EPHA8: variants seen among roughly 807,000 people sequenced by gnomAD.
EPHA8 encodes ephrin type-A receptor 8.
In EPHA8, 58 loss-of-function variants were observed where a neutral mutation model predicts 103.6. The ratio of observed to expected loss-of-function variants is 0.56; its 90% CI spans 0.45 to 0.70. The LOEUF (loss-of-function observed/expected upper bound fraction) is 0.70. Among genes scored for constraint, EPHA8 ranks in the 30% least tolerant of loss-of-function variants. EPHA8 has a pLI of 0.00. For missense variants in EPHA8, 1,304 were observed against 1,395.2 expected, an observed-to-expected ratio of 0.93 and a Z score of 1.04; for synonymous variants, 559 against 572.5, an observed-to-expected ratio of 0.98 and a Z score of 0.34.
At position 22,601,463 on chromosome 1, in the gene EPHA8, A is replaced by G. The variant is rs752849070; in HGVS notation, c.2893A>G (p.Met965Val). The G allele has an allele frequency of 6.8e-6, 11 of 1,609,546 alleles. No homozygotes were observed. The highest frequency in any genetic ancestry group is 2.2e-5 in the East Asian group (1 of 44,820). The part of the protein sequence containing the change: ...GYSSLGMVLR[M>V]NAQDVRALGI... ...CTCCTCTCTGGGCATGGTGCTACGCATGAACGCCCAGTGAGTGATGGGTGG... is the reference window on the plus strand; with the variant it reads ...CTCCTCTCTGGGCATGGTGCTACGCGTGAACGCCCAGTGAGTGATGGGTGG... Residue 965 changes from methionine (M) to valine (V), a missense_variant, in exon 16 of 17, where the codon ATG becomes GTG. Physicochemically the swap from Met to Val is conservative, Grantham distance 21. Transcript: ENST00000166244.
At chr1:22,577,914 CGTGAGTGTATGTGTGCGT>C (rs1557558630) in intron 3 of EPHA8, among the ~76,000 whole-genome samples, 1 of 20,016 alleles carries the variant, frequency 5.0e-5, no homozygotes, top group Non-Finnish European at 9.9e-5. Context: ...TGTATGTGTG[CGTGAGTGTATGTGTGCGT>C]GAGTGTATGT....
In EPHA8 at chr1:22,590,746, CTT is replaced by C. The variant is rs397841083; in HGVS notation, c.1315+1542_1315+1543del. Among the ~76,000 whole-genome samples, 3 of 149,646 alleles carry C rather than the reference CTT, an allele frequency of 2.0e-5. No homozygotes were observed. In the East Asian group the frequency reaches 6.1e-4, roughly 30 times the overall value. On this transcript the variant is annotated intron_variant, in intron 5 of 16. Transcript: ENST00000166244. ...TGGGCGGCTGTTTCAGGGCCCATGACTTTGAATTCCACCTTTGTGCTAACAAC... is the reference window on the plus strand; with the variant it reads ...TGGGCGGCTGTTTCAGGGCCCATGACTGAATTCCACCTTTGTGCTAACAAC...
At position 22,576,722 on chromosome 1, in the gene EPHA8, A is replaced by T; in HGVS notation, c.665A>T (p.Asp222Val). 6.2e-7 allele frequency: 1 copy of T among 1,613,460 alleles called. No homozygotes were observed. The highest frequency in any genetic ancestry group is 8.5e-7 in the Non-Finnish European group (1 of 1,179,940). ...AAFSEAVTGA[D>V]SSSLVEVRGQ... The stretch of plus-strand genomic sequence containing the variant: ...TTCTCGGAGGCAGTGACGGGGGCCG[A>T]CTCGTCCTCACTGGTGGAGGTGAGG... The change falls in exon 3 of 17, where the codon GAC becomes GTC. Residue 222 changes from aspartate (D) to valine (V), a missense_variant. Transcript: ENST00000166244. The surrounding 1 kb of genome is among the most constrained non-coding windows in gnomAD (Gnocchi z 4.8).
At position 22,597,337 on chromosome 1, in the gene EPHA8, G is replaced by C; in HGVS notation, c.1791G>C (p.Leu597=). Residue 597 remains leucine (L), a synonymous_variant, in exon 10 of 17, where the codon CTG becomes CTC. Coordinates refer to ENST00000166244, the MANE Select transcript of EPHA8 (RefSeq NM_020526.5). This position sits in a 1 kb window ranked among gnomAD's most constrained non-coding sequence, Gnocchi z 4.6. ...CACCCCCACCTGTCTTCCTGCCTCT[G>C]CATCACCCCCCGGGAAAGCTCCCAG... The part of the protein sequence containing the change: ...GQAPPPVFLP[L]HHPPGKLPEP... The C allele has an allele frequency of 6.2e-7, 1 of 1,603,628 alleles. No homozygotes were observed. Among genetic ancestry groups the C allele is most frequent in the South Asian group, 1.1e-5 (1 of 90,636 alleles).
chr1:22,600,553 C>A, intron 13 of EPHA8, 108 bp from the exon 14 acceptor site: 2 of 1,455,314 alleles, frequency 1.4e-6, no homozygotes, highest in Admixed American at 1.9e-5. Flanking sequence ...TGTGTTGTCC[C>A]TCTGGACTGG....
At chr1:22,585,861 C>T (rs1300181116) in intron 3 of EPHA8, among the ~76,000 whole-genome samples, 1 of 152,192 alleles carries the variant, frequency 6.6e-6, no homozygotes, top group Non-Finnish European at 1.5e-5. Flanking sequence ...GGTACCGGCC[C>T]TGGCTCTTCT....
In EPHA8 at chr1:22,601,927, C is replaced by T; in HGVS notation, c.*186C>T. 1 of 637,154 alleles carries T rather than the reference C, an allele frequency of 1.6e-6. No homozygotes were observed. Among genetic ancestry groups the T allele is most frequent in the Non-Finnish European group, 2.7e-6 (1 of 373,592 alleles). 39.5% of individuals were successfully genotyped at this position (637,154 alleles called of 1,614,324 possible). A position where few individuals can be genotyped will look rare whatever the true frequency, so the allele number is the denominator to read the frequency against. On this transcript the variant is annotated 3_prime_UTR_variant, in exon 17 of 17. Coordinates refer to ENST00000166244, the MANE Select transcript of EPHA8 (RefSeq NM_020526.5). ...AGGGGTCAGGCGCCTGGGAAGGGGC[C>T]TTTGGTGGCCACCCTGGTGAGGACA...
In EPHA8 at chr1:22,589,580, G is replaced by C; in HGVS notation, c.1315+374G>C. The C allele has an allele frequency of 1.5e-6, 2 of 1,317,964 alleles. No homozygotes were observed. Among genetic ancestry groups the C allele is most frequent in the Non-Finnish European group, 1.9e-6 (2 of 1,038,830 alleles). The allele number at this position is 1,317,964 out of a possible 1,614,324, so 81.6% of individuals were successfully genotyped here. A position where few individuals can be genotyped will look rare whatever the true frequency, so the allele number is the denominator to read the frequency against. On this transcript the variant is annotated intron_variant, in intron 5 of 16. Transcript: ENST00000166244. The surrounding 1 kb of genome is among the most constrained non-coding windows in gnomAD (Gnocchi z 4.3). ...AATGAAATTGCTTAGCCCAGCACCT[G>C]GCCCGTGGTAAATGCTCAATAAATG...
In EPHA8 at chr1:22,601,739, T is replaced by C; in HGVS notation, c.3016T>C (p.Ter1006ArgextTer44). The change falls in exon 17 of 17, where the codon TGA (stop) becomes CGA (arginine). Residue 1006 changes from the stop codon to arginine (R), a stop_lost. Transcript: ENST00000166244. ...CACCCAGGGGCCCCGCCGGCACCTCTGATGTACAGCCAGCAGGGCCCAGGC... is the reference window on the plus strand; with the variant it reads ...CACCCAGGGGCCCCGCCGGCACCTCCGATGTACAGCCAGCAGGGCCCAGGC... Reference protein sequence around the residue: ...TSTQGPRRHL* With the variant: ...TSTQGPRRHLR 6.4e-7 allele frequency: 1 copy of C among 1,557,186 alleles called. No homozygotes were observed.
chr1:22,600,769 G>T lies in EPHA8; in HGVS notation c.2497G>T (p.Ala833Ser). The T allele has an allele frequency of 6.2e-7, 1 of 1,612,272 alleles. No individual in the cohort carries two copies. The highest frequency in any genetic ancestry group is 8.5e-7 in the Non-Finnish European group (1 of 1,179,130). The stretch of plus-strand genomic sequence containing the variant: ...CGGCGTGGTCATGTGGGAGGTGCTG[G>T]CCTATGGGGAGCGGCCCTACTGGAA... ...SFGVVMWEVL[A>S]YGERPYWNMT... Residue 833 changes from alanine (A) to serine (S), a missense_variant, in exon 14 of 17, where the codon GCC (alanine) becomes TCC (serine). Transcript: ENST00000166244.
At chr1:22,591,010 G>A (rs947108677) in intron 5 of EPHA8, among the ~76,000 whole-genome samples, 1 of 147,348 alleles carries the variant, frequency 6.8e-6, no homozygotes, top group Non-Finnish European at 1.5e-5. Context: ...CACCCCCCAC[G>A]AGTCCATGCC....
chr1:22,597,523 G>A lies in EPHA8; in HGVS notation c.1930+47G>A, dbSNP rs1197531698. 6 of 1,591,470 alleles carry A rather than the reference G, an allele frequency of 3.8e-6. No homozygotes were observed. Among genetic ancestry groups the A allele is most frequent in the Non-Finnish European group, 5.1e-6 (6 of 1,167,794 alleles). On this transcript the variant is annotated intron_variant, in intron 10 of 16. Transcript: ENST00000166244. The surrounding 1 kb of genome is among the most constrained non-coding windows in gnomAD (Gnocchi z 4.6). ...GGCGGGGCCAGCATGGGGCAAGGTG[G>A]GGGCACCCAGGGCAAGGTGGGGGCA...
In EPHA8 at chr1:22,601,349, A is replaced by AGCGGTG; in HGVS notation, c.2787_2792dup (p.Gly931_Gly932dup). 2 of 1,608,700 alleles carry AGCGGTG rather than the reference A, an allele frequency of 1.2e-6. No individual in the cohort carries two copies. The highest frequency in any genetic ancestry group is 8.5e-7 in the Non-Finnish European group (1 of 1,178,678). ...GAGCTGCTTTGACCTCCGAGGGGGCAGCGGTGGCGGTGGGGGCCTCACCGT... is the reference window on the plus strand; with the variant it reads ...GAGCTGCTTTGACCTCCGAGGGGGCAGCGGTGGCGGTGGCGGTGGGGGCCTCACCGT... On this transcript the variant is annotated inframe_insertion, in exon 16 of 17. Transcript: ENST00000166244.
Position 22,598,159 on chromosome 1 carries a change from G to A in EPHA8, c.2125G>A (p.Ala709Thr), listed in dbSNP as rs1300070575. 1.2e-6 allele frequency: 2 copies of A among 1,613,432 alleles called. No individual in the cohort carries two copies. The highest frequency in any genetic ancestry group is 1.7e-6 in the Non-Finnish European group (2 of 1,179,960). ...LEGVVTRGRLAMIVTEYMENG... is the reference protein window; with the variant it reads ...LEGVVTRGRLTMIVTEYMENG... ...CCCTACTGCCCGCCCAGGCCGCCTGGCAATGATTGTGACTGAGTACATGGA... is the reference window on the plus strand; with the variant it reads ...CCCTACTGCCCGCCCAGGCCGCCTGACAATGATTGTGACTGAGTACATGGA... The change falls in exon 12 of 17, where the codon GCA becomes ACA. Residue 709 changes from alanine to threonine, a missense_variant. Transcript: ENST00000166244. The surrounding 1 kb of genome is among the most constrained non-coding windows in gnomAD (Gnocchi z 5.1).
chr1:22,587,381 AG>A (rs758027437), intron 4 of EPHA8, among the ~76,000 whole-genome samples: 14 of 152,126 alleles, frequency 9.2e-5, no homozygotes, highest in Non-Finnish European at 1.8e-4. Context: ...GTGTCTTGTG[AG>A]CTCAGCACGT....
intron 13 of EPHA8, 124 bp downstream of exon 13, chr1:22,599,171 TGG>T (rs1641608774): frequency 3.1e-6 from 3 of 978,986 alleles, no homozygotes; most frequent in Non-Finnish European, 4.5e-6. Flanking sequence ...GCCCTCAACC[TGG>T]GGCACATCCT....
rs879733022 is a variant in EPHA8, at chr1:22,603,183, A to G, written c.*1442A>G. On this transcript the variant is annotated 3_prime_UTR_variant, in exon 17 of 17. Coordinates refer to ENST00000166244, the MANE Select transcript of EPHA8 (RefSeq NM_020526.5). The stretch of plus-strand genomic sequence containing the variant: ...CTGCCCAGCCCTGCCCCCCCTCCCC[A>G]TAGCCAGCACAGCTATCCCGCGGGG... 2.0e-5 allele frequency: 2 copies of G among 101,636 alleles called. No individual in the cohort carries two copies. The highest frequency in any genetic ancestry group is 7.7e-5 in the African/African-American group (2 of 26,124). 6.3% of individuals were successfully genotyped at this position (101,636 alleles called of 1,614,324 possible).
At chr1:22,579,057 G>A (rs902860216) in intron 3 of EPHA8, among the ~76,000 whole-genome samples, 1 of 151,066 alleles carries the variant, frequency 6.6e-6, no homozygotes, top group Non-Finnish European at 1.5e-5. Context: ...ATTTGTGCAT[G>A]TATGTATGCA....
In EPHA8 at chr1:22,589,669, G is replaced by A; in HGVS notation, c.1315+463G>A. On this transcript the variant is annotated intron_variant, in intron 5 of 16. Transcript: ENST00000166244. This position sits in a 1 kb window ranked among gnomAD's most constrained non-coding sequence, Gnocchi z 4.3. Reference sequence around the variant, plus strand: ...GAACAGCTGCTACAGCTGCCCTTGGGATAGACTTGGCTGCACTGGCTTGGA... The same window carrying A: ...GAACAGCTGCTACAGCTGCCCTTGGAATAGACTTGGCTGCACTGGCTTGGA... 2 of 1,147,966 alleles carry A rather than the reference G, an allele frequency of 1.7e-6. No individual in the cohort carries two copies. The highest frequency in any genetic ancestry group is 7.3e-5 in the South Asian group (2 of 27,332). The allele number at this position is 1,147,966 out of a possible 1,614,324, so 71.1% of individuals were successfully genotyped here. A position where few individuals can be genotyped will look rare whatever the true frequency, so the allele number is the denominator to read the frequency against.
Sources: allele counts gnomAD v4.1 joint callset (sites outside exome capture counted in the v4.1 genomes callset), GRCh38; gene constraint gnomAD v4.1.1; non-coding constraint Gnocchi (gnomAD v3.1); transcripts MANE v1.5; gene names NCBI Gene and HGNC (gene_info 2026-07-23, HGNC 2026-07-21).